PXDNL: variants seen among roughly 807,000 people sequenced by gnomAD.
The protein encoded by PXDNL is probable oxidoreductase PXDNL.
In PXDNL, 145 loss-of-function variants were observed where a neutral mutation model predicts 150.8. The observed-to-expected ratio is 0.96, with a 90% CI of 0.84 to 1.10. The LOEUF (loss-of-function observed/expected upper bound fraction) is 1.10. PXDNL is among the 50% of genes least tolerant of loss of function. The pLI, the probability that PXDNL is intolerant of heterozygous loss-of-function variation, is 0.00. For missense variants in PXDNL, 2,087 were observed against 1,873.9 expected (o/e 1.11, Z -2.10); for synonymous variants, 757 against 725.7 (o/e 1.04, Z -0.69).
At chr8:51,499,378 A>T (rs554352039) in intron 5 of PXDNL, among the ~76,000 whole-genome samples, 79 of 152,200 alleles carry the variant, frequency 5.2e-4, no homozygotes, top group African/African-American at 1.8e-3. Context: ...TGATCCGCCC[A>T]CCTCGGCCTC....
intron 2 of PXDNL, among the ~76,000 whole-genome samples, chr8:51,638,350 A>G (rs1814654575): frequency 6.6e-6 from 1 of 152,176 alleles, no homozygotes; most frequent in Admixed American, 6.5e-5. Flanking sequence ...ACACATAACA[A>G]TATTAACCTT....
At chr8:51,673,061 G>T (rs568066510) in intron 1 of PXDNL, among the ~76,000 whole-genome samples, 1 of 152,134 alleles carries the variant, frequency 6.6e-6, no homozygotes, top group East Asian at 1.9e-4. Context: ...GAAAACACTT[G>T]GGAAATACGC....
chr8:51,396,077 C>T (rs1391425647), intron 17 of PXDNL, among the ~76,000 whole-genome samples: 1 of 152,204 alleles, frequency 6.6e-6, no homozygotes. Context: ...AGAAATAAAT[C>T]GGTTCTATAG....
intron 5 of PXDNL, among the ~76,000 whole-genome samples, chr8:51,498,710 C>T (rs1811112254): frequency 6.6e-6 from 1 of 152,256 alleles, no homozygotes; most frequent in East Asian, 1.9e-4. Context: ...GCCAGGCCTA[C>T]GGAGGCTCCT....
chr8:51,537,397 T>C (rs181631341), intron 4 of PXDNL, among the ~76,000 whole-genome samples: 4 of 152,330 alleles, frequency 2.6e-5, no homozygotes, highest in African/African-American at 9.6e-5. Flanking sequence ...AACTCAGACA[T>C]ATAAATTGGC....
chr8:51,363,522 GC>G (rs1170741867), intron 19 of PXDNL, among the ~76,000 whole-genome samples: 1 of 152,258 alleles, frequency 6.6e-6, no homozygotes, highest in East Asian at 1.9e-4. Context: ...ACTGGGGGCT[GC>G]ATACACCGGT....
At chr8:51,426,217 A>AT (rs1485084288) in intron 13 of PXDNL, among the ~76,000 whole-genome samples, 2 of 152,168 alleles carry the variant, frequency 1.3e-5, no homozygotes, top group African/African-American at 4.8e-5. Context: ...AGGTTTTGAA[A>AT]CTTCAGAACT....
chr8:51,420,737 C>T (rs2129710677), intron 14 of PXDNL, among the ~76,000 whole-genome samples: 1 of 152,318 alleles, frequency 6.6e-6, no homozygotes, highest in Non-Finnish European at 1.5e-5. Context: ...GTCATCCAGG[C>T]TGGAGTGCAG....
chr8:51,439,824 C>CAAAA (rs36102488), intron 12 of PXDNL, among the ~76,000 whole-genome samples: 4 of 101,530 alleles, frequency 3.9e-5, no homozygotes, highest in Admixed American at 1.2e-4. Flanking sequence ...GACTCCATCT[C>CAAAA]AAAAAAAAAA....
At chr8:51,550,138 A>G (rs1812449214) in intron 4 of PXDNL, among the ~76,000 whole-genome samples, 1 of 152,136 alleles carries the variant, frequency 6.6e-6, no homozygotes, top group South Asian at 2.1e-4. Context: ...CCTGGAAGAA[A>G]TAGAAACTCT....
At chr8:51,356,110 T>C (rs1398084139) in intron 19 of PXDNL, among the ~76,000 whole-genome samples, 1 of 152,214 alleles carries the variant, frequency 6.6e-6, no homozygotes. Context: ...TTTCCAACTT[T>C]TGCTTCCTAA....
At chr8:51,403,864 C>T (rs934103811) in intron 17 of PXDNL, among the ~76,000 whole-genome samples, 17 of 152,144 alleles carry the variant, frequency 1.1e-4, no homozygotes, top group African/African-American at 2.2e-4. Context: ...AATGAACTTG[C>T]GGACCCTCAC....
At chr8:51,544,260 T>C (rs996023534) in intron 4 of PXDNL, among the ~76,000 whole-genome samples, 5 of 152,142 alleles carry the variant, frequency 3.3e-5, no homozygotes, top group African/African-American at 1.2e-4. Context: ...GAACATGAAG[T>C]GCAGGTATGA....
At chr8:51,632,114 AAAC>A (rs879535572) in intron 2 of PXDNL, among the ~76,000 whole-genome samples, 9 of 152,140 alleles carry the variant, frequency 5.9e-5, no homozygotes, top group Non-Finnish European at 1.3e-4. Flanking sequence ...CCAAAACAAC[AAAC>A]AACAGGGCCC....
intron 1 of PXDNL, among the ~76,000 whole-genome samples, chr8:51,732,257 A>T (rs1332149322): frequency 6.6e-6 from 1 of 152,212 alleles, no homozygotes; most frequent in Non-Finnish European, 1.5e-5. Flanking sequence ...TCTAGCTCAA[A>T]GTTCCACAAA....
intron 2 of PXDNL, among the ~76,000 whole-genome samples, chr8:51,607,622 CCT>C (rs376593546): frequency 0.023 from 3,319 of 142,134 alleles, 149 homozygotes; most frequent in African/African-American, 0.065. Context: ...GGGTGGATCA[CCT>C]GAGGTCAGGA....
At chr8:51,355,280 AAC>A (rs1563371130) in intron 19 of PXDNL, among the ~76,000 whole-genome samples, 1 of 152,202 alleles carries the variant, frequency 6.6e-6, no homozygotes, top group African/African-American at 2.4e-5. Flanking sequence ...TTAGTTCACA[AAC>A]ATAAGCACAA....
chr8:51,407,436 C>T (rs1351353033), intron 17 of PXDNL, among the ~76,000 whole-genome samples: 1 of 152,058 alleles, frequency 6.6e-6, no homozygotes. Flanking sequence ...CTTTGTGAAA[C>T]TGTTTTTAAA....
intron 4 of PXDNL, among the ~76,000 whole-genome samples, chr8:51,520,535 C>T (rs780710353): frequency 1.3e-5 from 2 of 152,068 alleles, no homozygotes; most frequent in Non-Finnish European, 2.9e-5. Context: ...CGAGGACGGC[C>T]ACCCACCATG....
Sources: allele counts gnomAD v4.1 joint callset (sites outside exome capture counted in the v4.1 genomes callset), GRCh38; gene constraint gnomAD v4.1.1; transcripts MANE v1.5; gene names NCBI Gene and HGNC (gene_info 2026-07-23, HGNC 2026-07-21).